Variants in CNOT4 observed in about 807,000 individuals in gnomAD.
The protein encoded by CNOT4 is CCR4-associated factor 4.
Under a neutral mutation model 73.8 loss-of-function variants are expected in CNOT4, and 8 were observed. The ratio of observed to expected loss-of-function variants is 0.11; its 90% confidence interval spans 0.06 to 0.20. The LOEUF (loss-of-function observed/expected upper bound fraction) is 0.20. Ranked by LOEUF, CNOT4 falls within the 10% of genes least tolerant of loss-of-function variation. The probability of loss-of-function intolerance (pLI) is 1.00; values close to 1 mark genes in which losing one functional copy is unlikely to be tolerated. For missense variants in CNOT4, 564 were observed against 883.4 expected (o/e 0.64, Z 4.58); for synonymous variants, 293 against 321.1 (o/e 0.91, Z 0.94).
At chr7:135,401,606 C>T (rs764027329) in intron 7 of CNOT4, among the ~76,000 whole-genome samples, 2 of 151,838 alleles carry the variant, frequency 1.3e-5, no homozygotes, top group Non-Finnish European at 2.9e-5. Flanking sequence ...ATTTGTACAG[C>T]AAAAAGCAGT....
chr7:135,387,478 T>A (rs987653932), intron 10 of CNOT4: 7 of 980,730 alleles, frequency 7.1e-6, no homozygotes, highest in Non-Finnish European at 8.5e-6. Context: ...AAGTACCATC[T>A]CCTAATAACA....
chr7:135,464,716 A>G (rs1429606828), intron 1 of CNOT4, among the ~76,000 whole-genome samples: 1 of 152,080 alleles, frequency 6.6e-6, no homozygotes, highest in Admixed American at 6.6e-5. Flanking sequence ...ATACAATGCT[A>G]ATCAACATTC....
chr7:135,445,014 GAAAT>G, intron 1 of CNOT4: 1 of 813,208 alleles, frequency 1.2e-6, no homozygotes, highest in Non-Finnish European at 2.2e-6. Context: ...CAATAAGGAA[GAAAT>G]AACAGATAAG....
intron 1 of CNOT4, among the ~76,000 whole-genome samples, chr7:135,454,200 A>G (rs911214797): frequency 2.0e-5 from 3 of 151,978 alleles, no homozygotes; most frequent in African/African-American, 4.8e-5. Context: ...AGTAAAGCCT[A>G]GAATGGTAAC....
chr7:135,495,744 AAGAAAGAAAGAAAGAAAG>A lies in CNOT4; in HGVS notation c.-93+14127_-93+14144del, dbSNP rs1308337980. Among the ~76,000 whole-genome samples, 16 of 135,238 alleles carry A rather than the reference AAGAAAGAAAGAAAGAAAG, an allele frequency of 1.2e-4. 1 individual carries two copies. Among genetic ancestry groups the A allele is most frequent in the African/African-American group, 3.9e-4 (15 of 38,602 alleles). 88.7% of individuals were successfully genotyped at this position (135,238 alleles called of 152,430 possible). A position where few individuals can be genotyped will look rare whatever the true frequency, so the allele number is the denominator to read the frequency against. On this transcript the variant is annotated intron_variant, in intron 1 of 11. Coordinates refer to ENST00000541284, the MANE Select transcript of CNOT4 (RefSeq NM_001190850.2). ...AAAGAAAGAAAGAAAGAAAGAAAGA[AAGAAAGAAAGAAAGAAAG>A]AAATTTAAGAACATTCAGGGCTGGG...
chr7:135,466,691 C>G (rs1801246408), intron 1 of CNOT4, among the ~76,000 whole-genome samples: 1 of 152,156 alleles, frequency 6.6e-6, no homozygotes, highest in Admixed American at 6.5e-5. Flanking sequence ...AAGCTCCATT[C>G]ATGGTGAATG....
At chr7:135,383,003 G>A (rs1795932666) in intron 10 of CNOT4, among the ~76,000 whole-genome samples, 1 of 152,038 alleles carries the variant, frequency 6.6e-6, no homozygotes, top group Non-Finnish European at 1.5e-5. Context: ...AGAAACAAGG[G>A]TAAATTAGCC....
At chr7:135,448,219 A>G (rs1799944591) in intron 1 of CNOT4, among the ~76,000 whole-genome samples, 1 of 152,210 alleles carries the variant, frequency 6.6e-6, no homozygotes. Flanking sequence ...CAAGATGTTC[A>G]GTTTCCAACA....
intron 1 of CNOT4, among the ~76,000 whole-genome samples, chr7:135,483,074 C>A (rs1347232513): frequency 6.6e-6 from 1 of 151,044 alleles, no homozygotes; most frequent in Non-Finnish European, 1.5e-5. Flanking sequence ...GTGGCTCATG[C>A]CTGTTTTCTC....
At chr7:135,508,966 G>A (rs1325742533) in intron 1 of CNOT4, 1 of 152,186 alleles carries the variant, frequency 6.6e-6, no homozygotes, top group Non-Finnish European at 1.5e-5. Flanking sequence ...TAACACAACA[G>A]AGCGAATAAG....
rs1794794990 is a variant in CNOT4 at position 135,364,252 on chromosome 7, G to A, written c.1628-186C>T. On this transcript the variant is annotated intron_variant, in intron 10 of 11. Coordinates refer to ENST00000541284, the MANE Select transcript of CNOT4 (RefSeq NM_001190850.2). The surrounding 1 kb of genome is among the most constrained non-coding windows in gnomAD (Gnocchi z 4.3). ...TGCTCGTGAGCTCAGAGCCCCTGAA[G>A]TGAGGAAAAACTTGCTCAAGGATCA... Among the ~76,000 whole-genome samples, 1 of 152,204 alleles carries A rather than the reference G, an allele frequency of 6.6e-6. No homozygotes were observed. Among genetic ancestry groups the A allele is most frequent in the African/African-American group, 2.4e-5 (1 of 41,458 alleles).
chr7:135,434,205 G>A (rs2129485173), intron 2 of CNOT4, among the ~76,000 whole-genome samples: 2 of 152,296 alleles, frequency 1.3e-5, no homozygotes, highest in Middle Eastern at 6.8e-3. Flanking sequence ...TAGCAACATT[G>A]TGGTTTTCCT....
rs1796874925 is a variant in CNOT4 at position 135,399,260 on chromosome 7, C to T, written c.822-1034G>A. Among the ~76,000 whole-genome samples, 4 of 152,016 alleles carry T rather than the reference C, an allele frequency of 2.6e-5. No homozygotes were observed. In the South Asian group the frequency reaches 8.3e-4, roughly 31 times the overall value. On this transcript the variant is annotated intron_variant, in intron 7 of 11. Coordinates refer to ENST00000541284, the MANE Select transcript of CNOT4 (RefSeq NM_001190850.2). ...GTCATTGTGGAAACATTAAAGTGTG[C>T]ACTCACATAAACCTAGATGGCATGG... is the stretch of plus-strand genomic sequence containing the variant.
chr7:135,403,833 A>G (rs754419216), intron 7 of CNOT4, among the ~76,000 whole-genome samples: 3 of 152,352 alleles, frequency 2.0e-5, no homozygotes, highest in Middle Eastern at 3.4e-3. Flanking sequence ...AAAATGTGGT[A>G]ACCTTCAAAA....
chr7:135,458,561 G>A (rs1037689983), intron 1 of CNOT4, among the ~76,000 whole-genome samples: 2 of 152,042 alleles, frequency 1.3e-5, no homozygotes, highest in African/African-American at 4.8e-5. Context: ...TTCAAAATTG[G>A]AGGCAATCCT....
At chr7:135,494,987 T>C (rs748687770) in intron 1 of CNOT4, among the ~76,000 whole-genome samples, 4 of 152,202 alleles carry the variant, frequency 2.6e-5, no homozygotes, top group Admixed American at 6.6e-5. Flanking sequence ...TTGTTCTAAG[T>C]GTTTTTAAAA....
chr7:135,488,556 G>A (rs891198114), intron 1 of CNOT4, among the ~76,000 whole-genome samples: 5 of 152,036 alleles, frequency 3.3e-5, no homozygotes, highest in African/African-American at 1.2e-4. Flanking sequence ...GTGGCTGTTA[G>A]AGTCTAAGTT....
chr7:135,462,472 T>C (rs772363706), intron 1 of CNOT4, among the ~76,000 whole-genome samples: 11 of 152,076 alleles, frequency 7.2e-5, no homozygotes, highest in Non-Finnish European at 1.6e-4. Flanking sequence ...AAAAAAGGGA[T>C]GAAAGGAATG....
chr7:135,447,341 A>C (rs1799896796), intron 1 of CNOT4, among the ~76,000 whole-genome samples: 1 of 152,232 alleles, frequency 6.6e-6, no homozygotes, highest in African/African-American at 2.4e-5. Context: ...CCAAAGTACC[A>C]ATGTATATCT....
Sources: allele counts gnomAD v4.1 joint callset (sites outside exome capture counted in the v4.1 genomes callset), GRCh38; gene constraint gnomAD v4.1.1; non-coding constraint Gnocchi (gnomAD v3.1); transcripts MANE v1.5; gene names NCBI Gene and HGNC (gene_info 2026-07-23, HGNC 2026-07-21).